The following PCED1B variants were observed in gnomAD, a reference collection of about 807,000 sequenced individuals.
PCED1B encodes the protein PC-esterase domain containing 1B, also known as PC-esterase domain-containing protein 1B.
For synonymous variants in PCED1B, 251 were observed against 246.1 expected, an observed-to-expected ratio of 1.02 and a Z score of -0.19; for missense variants, 573 against 573.9, an observed-to-expected ratio of 1.00 and a Z score of 0.02.
At chr12:47,085,063 G>C (rs1937913766) in intron 1 of PCED1B, among the ~76,000 whole-genome samples, 1 of 152,218 alleles carries the variant, frequency 6.6e-6, no homozygotes, top group Non-Finnish European at 1.5e-5. Context: ...AGAATCGCTT[G>C]AACCTGGGAG....
At chr12:47,126,622 T>C (rs1304881526) in intron 2 of PCED1B, among the ~76,000 whole-genome samples, 1 of 152,202 alleles carries the variant, frequency 6.6e-6, no homozygotes, top group Non-Finnish European at 1.5e-5. Flanking sequence ...AGAAGCCATC[T>C]GAGCCTGGAA....
intron 1 of PCED1B, among the ~76,000 whole-genome samples, chr12:47,080,153 C>T (rs746913539): frequency 4.6e-5 from 7 of 151,960 alleles, no homozygotes; most frequent in Non-Finnish European, 7.4e-5. Context: ...GGGGTCCACA[C>T]CAGAGGCCCA....
At chr12:47,164,953 A>G (rs1941497939) in intron 2 of PCED1B, among the ~76,000 whole-genome samples, 1 of 152,190 alleles carries the variant, frequency 6.6e-6, no homozygotes, top group Non-Finnish European at 1.5e-5. Context: ...TATGGGGAAT[A>G]GTTGGAACTG....
intron 2 of PCED1B, among the ~76,000 whole-genome samples, chr12:47,167,873 G>A (rs757121381): frequency 2.8e-4 from 43 of 152,166 alleles, no homozygotes; most frequent in Admixed American, 7.9e-4. Flanking sequence ...ACCTGGGCAG[G>A]CCAACATTGC....
At chr12:47,094,823 C>G (rs995555500) in intron 1 of PCED1B, among the ~76,000 whole-genome samples, 3 of 151,980 alleles carry the variant, frequency 2.0e-5, no homozygotes, top group Non-Finnish European at 2.9e-5. Context: ...CATGTTTACC[C>G]TCACCAGTGT....
intron 2 of PCED1B, among the ~76,000 whole-genome samples, chr12:47,120,154 T>C (rs1331018310): frequency 1.3e-5 from 2 of 152,034 alleles, no homozygotes; most frequent in Non-Finnish European, 2.9e-5. Context: ...TCACACCCAC[T>C]AAGATAGCTA....
At chr12:47,079,965 G>A (rs1420718223) in intron 1 of PCED1B, 2 of 151,836 alleles carry the variant, frequency 1.3e-5, no homozygotes, top group Admixed American at 6.6e-5. Context: ...CCTGCGGGAG[G>A]GAGCAGGCTG....
At chr12:47,101,145 A>G (rs1475559363) in intron 1 of PCED1B, among the ~76,000 whole-genome samples, 2 of 152,188 alleles carry the variant, frequency 1.3e-5, no homozygotes, top group Non-Finnish European at 2.9e-5. Context: ...TCCATCTTAA[A>G]TATATCACCT....
At chr12:47,227,626 A>T (rs780485352) in intron 3 of PCED1B, among the ~76,000 whole-genome samples, 4 of 151,756 alleles carry the variant, frequency 2.6e-5, no homozygotes, top group Non-Finnish European at 4.4e-5. Flanking sequence ...GGGCGAGGTG[A>T]GTGGATCACT....
intron 3 of PCED1B, among the ~76,000 whole-genome samples, chr12:47,230,779 G>T (rs1172356813): frequency 6.6e-6 from 1 of 152,198 alleles, no homozygotes; most frequent in African/African-American, 2.4e-5. Context: ...AATGTGTTCA[G>T]TGTAACTTGG....
At chr12:47,169,878 A>G (rs1339555166) in intron 2 of PCED1B, among the ~76,000 whole-genome samples, 1 of 143,502 alleles carries the variant, frequency 7.0e-6, no homozygotes, top group Non-Finnish European at 1.5e-5. Flanking sequence ...AGTTCTTTTT[A>G]TCATTGTATA....
rs34788645 is a variant in PCED1B at position 47,127,369 on chromosome 12, C to CTTTT, written c.-526+23188_-526+23191dup. ...CTAGCTATCTTTCTGTTTTTTATTT[C>CTTTT]TTTTTTTTTTTTTTTTTGAGAAGAA... On this transcript the variant is annotated intron_variant, in intron 2 of 3. Transcript: ENST00000546455. Among the ~76,000 whole-genome samples, 3 of 128,868 alleles carry CTTTT rather than the reference C, an allele frequency of 2.3e-5. 1 individual carries two copies. Among genetic ancestry groups the CTTTT allele is most frequent in the African/African-American group, 8.8e-5 (3 of 34,212 alleles). 84.5% of individuals were successfully genotyped at this position (128,868 alleles called of 152,430 possible).
At chr12:47,147,522 A>T (rs1170126187) in intron 2 of PCED1B, among the ~76,000 whole-genome samples, 2 of 151,852 alleles carry the variant, frequency 1.3e-5, no homozygotes, top group African/African-American at 4.8e-5. Context: ...ATTTCTACTG[A>T]TATCTATTTA....
chr12:47,191,383 A>C (rs1942434579), intron 2 of PCED1B, among the ~76,000 whole-genome samples: 2 of 152,168 alleles, frequency 1.3e-5, no homozygotes, highest in Admixed American at 1.3e-4. Flanking sequence ...TAAAATCTCT[A>C]AGTTTCTTCC....
chr12:47,156,790 T>C (rs554803441), intron 2 of PCED1B, among the ~76,000 whole-genome samples: 1 of 152,246 alleles, frequency 6.6e-6, no homozygotes, highest in East Asian at 1.9e-4. Flanking sequence ...GCGACAATTT[T>C]GGTAAAGAAC....
At position 47,235,090 on chromosome 12, in the gene PCED1B, G is replaced by A; in HGVS notation, c.27G>A (p.Val9=). 1 of 1,529,260 alleles carries A rather than the reference G, an allele frequency of 6.5e-7. No individual in the cohort carries two copies. The highest frequency in any genetic ancestry group is 1.3e-5 in the South Asian group (1 of 76,532). The allele number at this position is 1,529,260 out of a possible 1,614,324, so 94.7% of individuals were successfully genotyped here. The change falls in exon 4 of 4, where the codon GTG becomes GTA. Residue 9 remains valine (V), a synonymous_variant. Transcript: ENST00000546455. ...TGATCCTTCTGCGGGCCTCCGAAGT[G>A]CGGCAGCTGCTTCACAATAAGTTCG... MILLRASE[V]RQLLHNKFVV... is the part of the protein sequence containing the mutation.
chr12:47,235,198 C>T lies in PCED1B; in HGVS notation c.135C>T (p.Pro45=). ...LLLQKDRLLT[P]GQLRARGELN... ...TGCAGAAGGACCGCCTGCTCACTCC[C>T]GGGCAGCTTAGAGCAAGGGGGGAGC... The change falls in exon 4 of 4, where the codon CCC becomes CCT. Residue 45 remains proline (P), a synonymous_variant. Coordinates refer to ENST00000546455, the MANE Select transcript of PCED1B (RefSeq NM_138371.3). The T allele has an allele frequency of 5.0e-6, 8 of 1,602,318 alleles. No homozygotes were observed. The highest frequency in any genetic ancestry group is 1.1e-5 in the South Asian group (1 of 88,442).
At chr12:47,173,446 G>T (rs562693480) in intron 2 of PCED1B, among the ~76,000 whole-genome samples, 57 of 152,234 alleles carry the variant, frequency 3.7e-4, no homozygotes, top group African/African-American at 1.4e-3. Context: ...TAGAGACAGG[G>T]TTTCTCCGTG....
At chr12:47,105,238 C>T (rs747181897) in intron 2 of PCED1B, among the ~76,000 whole-genome samples, 5 of 151,526 alleles carry the variant, frequency 3.3e-5, no homozygotes, top group Non-Finnish European at 7.4e-5. Flanking sequence ...ACAGAGTGAA[C>T]GCGGTGGGGG....
Sources: allele counts gnomAD v4.1 joint callset (sites outside exome capture counted in the v4.1 genomes callset), GRCh38; gene constraint gnomAD v4.1.1; transcripts MANE v1.5; gene names NCBI Gene and HGNC (gene_info 2026-07-23, HGNC 2026-07-21).